NKAIN2: variants seen among roughly 807,000 people sequenced by gnomAD.
NKAIN2 encodes sodium/potassium transporting ATPase interacting 2, also known as sodium/potassium-transporting ATPase subunit beta-1-interacting protein 2.
Under a neutral mutation model 32.6 loss-of-function variants are expected in NKAIN2, and 14 were observed. The ratio of observed to expected loss-of-function variants is 0.43; its 90% CI spans 0.28 to 0.67. The LOEUF (loss-of-function observed/expected upper bound fraction) is 0.67, where lower values mean the gene tolerates loss of function less well. NKAIN2 is among the 30% of genes least tolerant of loss of function. NKAIN2 has a pLI of 0.17. For missense variants in NKAIN2, 198 were observed against 258.3 expected, an observed-to-expected ratio of 0.77 and a Z score of 1.60; for synonymous variants, 80 against 87.2, an observed-to-expected ratio of 0.92 and a Z score of 0.46.
chr6:124,344,731 G>A (rs971236222), intron 2 of NKAIN2, among the ~76,000 whole-genome samples: 16 of 152,142 alleles, frequency 1.1e-4, no homozygotes, highest in Non-Finnish European at 2.4e-4. Flanking sequence ...GGAGATTTTG[G>A]GCTGAGACAA....
At chr6:124,306,922 G>T (rs1031496031) in intron 2 of NKAIN2, among the ~76,000 whole-genome samples, 3 of 152,080 alleles carry the variant, frequency 2.0e-5, no homozygotes, top group African/African-American at 7.2e-5. Context: ...TTAAGAAAAC[G>T]AGCTTAAATT....
chr6:124,314,473 A>G (rs1031565721), intron 2 of NKAIN2, among the ~76,000 whole-genome samples: 1 of 152,150 alleles, frequency 6.6e-6, no homozygotes, highest in African/African-American at 2.4e-5. Context: ...AAGACACACC[A>G]GCAAAGAAGC....
intron 1 of NKAIN2, among the ~76,000 whole-genome samples, chr6:124,240,842 G>A (rs1044276160): frequency 6.6e-6 from 1 of 152,112 alleles, no homozygotes; most frequent in African/African-American, 2.4e-5. Flanking sequence ...ACAAGACAGG[G>A]ATACCCTCTC....
Position 124,394,456 on chromosome 6 carries a change from G to GAGATAGATAGATAGAT in NKAIN2, c.273+39146_273+39161dup, listed in dbSNP as rs59551274. Reference sequence around the variant, plus strand: ...TTTTCCAGAAAAACAGAATCAATATGAGATAGATAGATAGATAGATAGATA... The same window carrying GAGATAGATAGATAGAT: ...TTTTCCAGAAAAACAGAATCAATATGAGATAGATAGATAGATAGATAGATAGATAGATAGATAGATA... On this transcript the variant is annotated intron_variant, in intron 3 of 6. Coordinates refer to ENST00000368417, the MANE Select transcript of NKAIN2 (RefSeq NM_001040214.3). Among the ~76,000 whole-genome samples, 813 of 143,672 alleles carry GAGATAGATAGATAGAT rather than the reference G, an allele frequency of 5.7e-3. 3 individuals carry two copies. The highest frequency in any genetic ancestry group is 6.9e-3 in the Middle Eastern group (2 of 290). 94.3% of individuals were successfully genotyped at this position (143,672 alleles called of 152,430 possible). A position where few individuals can be genotyped will look rare whatever the true frequency, so the allele number is the denominator to read the frequency against.
intron 1 of NKAIN2, among the ~76,000 whole-genome samples, chr6:124,130,992 C>A (rs1426691797): frequency 2.0e-5 from 3 of 152,100 alleles, no homozygotes; most frequent in Admixed American, 6.6e-5. Flanking sequence ...CTGTTGAGGT[C>A]CTATTAAATT....
At chr6:124,611,475 A>G (rs1399124324) in intron 3 of NKAIN2, among the ~76,000 whole-genome samples, 1 of 152,048 alleles carries the variant, frequency 6.6e-6, no homozygotes, top group Non-Finnish European at 1.5e-5. Flanking sequence ...CCCATCATCT[A>G]AGTTTTAAGC....
chr6:124,245,389 T>G (rs1394592219), intron 1 of NKAIN2, among the ~76,000 whole-genome samples: 2 of 152,108 alleles, frequency 1.3e-5, no homozygotes, highest in Non-Finnish European at 1.5e-5. Context: ...TTTTAGCATT[T>G]TGACTTAATT....
chr6:123,827,895 C>A (rs2050263), intron 1 of NKAIN2, among the ~76,000 whole-genome samples: 23,665 of 147,242 alleles, frequency 0.16, 2,018 homozygotes, highest in African/African-American at 0.22. Context: ...CTCTCTCTCT[C>A]TATATATATA....
At chr6:124,407,921 T>G (rs2114481997) in intron 3 of NKAIN2, among the ~76,000 whole-genome samples, 2 of 150,266 alleles carry the variant, frequency 1.3e-5, no homozygotes, top group Middle Eastern at 7.0e-3. Context: ...CATTGTGGTT[T>G]TGATTTGCAT....
At chr6:124,611,952 G>A (rs1489457827) in intron 3 of NKAIN2, among the ~76,000 whole-genome samples, 1 of 152,026 alleles carries the variant, frequency 6.6e-6, no homozygotes, top group Non-Finnish European at 1.5e-5. Flanking sequence ...TACAATATGT[G>A]TAGACATCAC....
At chr6:124,317,823 C>T (rs1797025304) in intron 2 of NKAIN2, among the ~76,000 whole-genome samples, 1 of 152,008 alleles carries the variant, frequency 6.6e-6, no homozygotes, top group South Asian at 2.1e-4. Flanking sequence ...TTCTAAAATT[C>T]TGCTCATGCT....
chr6:123,976,329 CCA>C (rs1778590158), intron 1 of NKAIN2, among the ~76,000 whole-genome samples: 1 of 16,226 alleles, frequency 6.2e-5, no homozygotes, highest in Non-Finnish European at 1.4e-4. Context: ...ATATATGTTC[CCA>C]TATATATATA....
chr6:124,058,918 G>A (rs1782790442), intron 1 of NKAIN2, among the ~76,000 whole-genome samples: 2 of 151,972 alleles, frequency 1.3e-5, no homozygotes, highest in African/African-American at 4.8e-5. Flanking sequence ...TCCTTTACAG[G>A]AAAAGTTTGG....
At chr6:123,904,628 T>A (rs1299376492) in intron 1 of NKAIN2, among the ~76,000 whole-genome samples, 1 of 152,118 alleles carries the variant, frequency 6.6e-6, no homozygotes, top group African/African-American at 2.4e-5. Context: ...GGGAAGGGGG[T>A]GAGAAAGATC....
intron 1 of NKAIN2, among the ~76,000 whole-genome samples, chr6:123,836,858 G>A (rs1006071946): frequency 2.6e-5 from 4 of 151,974 alleles, no homozygotes. Flanking sequence ...CAAAATTAAT[G>A]TTTATCAAAA....
At chr6:123,892,539 C>T (rs1774070205) in intron 1 of NKAIN2, among the ~76,000 whole-genome samples, 1 of 151,924 alleles carries the variant, frequency 6.6e-6, no homozygotes, top group African/African-American at 2.4e-5. Context: ...ATTACCTCCA[C>T]CTAGTCCCAA....
intron 1 of NKAIN2, among the ~76,000 whole-genome samples, chr6:124,095,460 AATT>A (rs1230678024): frequency 6.6e-6 from 1 of 152,158 alleles, no homozygotes; most frequent in Admixed American, 6.5e-5. Context: ...ATGTTAGTAC[AATT>A]ATTATAAAAA....
intron 6 of NKAIN2, among the ~76,000 whole-genome samples, chr6:124,820,749 A>C (rs1246962665): frequency 6.6e-6 from 1 of 152,214 alleles, no homozygotes; most frequent in African/African-American, 2.4e-5. Context: ...GATAAGCAGC[A>C]GTATTAGATT....
intron 1 of NKAIN2, among the ~76,000 whole-genome samples, chr6:123,998,439 C>T (rs1199728551): frequency 6.6e-6 from 1 of 152,058 alleles, no homozygotes; most frequent in Non-Finnish European, 1.5e-5. Context: ...CAATTTGGTT[C>T]CCTAAACAAC....
Sources: gnomAD v4.1 joint callset for allele counts (sites outside exome capture counted in the v4.1 genomes callset) on GRCh38, gnomAD v4.1.1 for gene constraint, MANE v1.5 for transcripts, NCBI Gene and HGNC (gene_info 2026-07-23, HGNC 2026-07-21) for gene names.